The following TBC1D9 variants were observed in gnomAD, a reference collection of about 807,000 sequenced individuals.
TBC1D9 encodes TBC1 domain family member 9A.
Under a neutral mutation model 132.0 loss-of-function variants are expected in TBC1D9, and 63 were observed. The observed-to-expected ratio is 0.48, with a 90% CI of 0.39 to 0.59. TBC1D9 has a LOEUF of 0.59. Among genes scored for constraint, TBC1D9 ranks in the 20% least tolerant of loss-of-function variants. The pLI is 0.00. For missense variants in TBC1D9, 1,261 were observed against 1,592.7 expected (o/e 0.79, Z 3.54); for synonymous variants, 610 against 609.9 (o/e 1.00, Z 0.00).
chr4:140,638,276 C>T (rs1736910669), intron 15 of TBC1D9, among the ~76,000 whole-genome samples: 1 of 152,168 alleles, frequency 6.6e-6, no homozygotes, highest in Admixed American at 6.5e-5. Flanking sequence ...TTGATTATCA[C>T]ATTTTAACCT....
chr4:140,733,017 C>T (rs1305790413), intron 1 of TBC1D9, among the ~76,000 whole-genome samples: 1 of 152,126 alleles, frequency 6.6e-6, no homozygotes, highest in African/African-American at 2.4e-5. Context: ...GTCTCCTTGA[C>T]GTTAGAGCTG....
intron 1 of TBC1D9, among the ~76,000 whole-genome samples, chr4:140,717,539 T>C (rs1015420410): frequency 1.3e-5 from 2 of 152,206 alleles, no homozygotes; most frequent in Admixed American, 6.5e-5. Context: ...TTAATTTATC[T>C]GAAGCATATA....
chr4:140,622,754 C>T lies in TBC1D9; in HGVS notation c.3242G>A (p.Gly1081Glu). ...VAQPAKEGGS[G>E]GSGPSCHQGI... ...CTGGTGGCAGGACGGCCCACTGCCT[C>T]CGCTCCCGCCCTCCTTTGCAGGCTG... Residue 1081 changes from glycine (G) to glutamate (E), a missense_variant, in exon 21 of 21, where the codon GGA becomes GAA. Gly to Glu is a moderately conservative substitution (Grantham distance 98). This residue lies in a region of TBC1D9 where 618 missense variants were observed against 724.4 expected (regional missense o/e 0.85). Coordinates refer to ENST00000442267, the MANE Select transcript of TBC1D9 (RefSeq NM_015130.3). 4 of 1,605,944 alleles carry T rather than the reference C, an allele frequency of 2.5e-6. No homozygotes were observed. Among genetic ancestry groups the T allele is most frequent in the Non-Finnish European group, 3.4e-6 (4 of 1,179,706 alleles).
Position 140,651,050 on chromosome 4 carries a change from T to C in TBC1D9, c.2337+6047A>G, listed in dbSNP as rs534083879. On this transcript the variant is annotated intron_variant, in intron 13 of 20. Transcript: ENST00000442267. ...ATAGGGAAAATAATTCCTACCTCTT[T>C]GGAATGGTGTAAGACTTTTATGCAC... 6.6e-5 allele frequency among the ~76,000 whole-genome samples: 10 copies of C among 152,334 alleles called. No individual in the cohort carries two copies. In the East Asian group the frequency reaches 7.7e-4, roughly 12 times the overall value.
rs1737800223 is a variant in TBC1D9 at position 140,687,345 on chromosome 4, TATATATATA to T, written c.242-892_242-884del. Among the ~76,000 whole-genome samples the T allele has an allele frequency of 8.6e-4, 10 of 11,590 alleles. 1 individual carries two copies. Among genetic ancestry groups the T allele is most frequent in the African/African-American group, 6.2e-3 (10 of 1,624 alleles). 7.6% of individuals were successfully genotyped at this position (11,590 alleles called of 152,430 possible). On this transcript the variant is annotated intron_variant, in intron 2 of 20. Transcript: ENST00000442267. ...TATGTGTGTGTGTGTGTGTGTGTCA[TATATATATA>T]TATATATATATATATATATATATAT...
chr4:140,682,024 C>A (rs1038717615), intron 3 of TBC1D9, among the ~76,000 whole-genome samples: 1 of 152,118 alleles, frequency 6.6e-6, no homozygotes, highest in African/African-American at 2.4e-5. Context: ...TATCTAGCAC[C>A]TAAAAGATGT....
intron 13 of TBC1D9, among the ~76,000 whole-genome samples, chr4:140,648,804 G>A (rs1287321336): frequency 6.6e-6 from 1 of 151,972 alleles, no homozygotes; most frequent in East Asian, 1.9e-4. Context: ...CCCCCATCCT[G>A]CCTGCAGATG....
chr4:140,635,736 T>A (rs1268210175), intron 15 of TBC1D9, among the ~76,000 whole-genome samples: 1 of 151,666 alleles, frequency 6.6e-6, no homozygotes. Flanking sequence ...ACCAGTCAGG[T>A]TTTTTGCAAG....
chr4:140,683,643 T>C (rs887873927), intron 3 of TBC1D9, among the ~76,000 whole-genome samples: 1 of 152,202 alleles, frequency 6.6e-6, no homozygotes, highest in Admixed American at 6.5e-5. Flanking sequence ...TTAGCAAACA[T>C]GAAAAAATAT....
Position 140,624,110 on chromosome 4 carries a change from A to C in TBC1D9, c.3078+6T>G. On this transcript the variant is annotated splice_donor_region_variant and intron_variant, in intron 20 of 20. Transcript: ENST00000442267. ...GAAGCGAATGATTTGAACTTTAAGC[A>C]CTTACCTGATTTAATTTGGGTAAAT... The C allele has an allele frequency of 6.3e-7, 1 of 1,595,524 alleles. No individual in the cohort carries two copies. Among genetic ancestry groups the C allele is most frequent in the African/African-American group, 1.3e-5 (1 of 74,908 alleles).
intron 4 of TBC1D9, 133 bp downstream of exon 4, chr4:140,679,482 G>GTA: frequency 2.8e-6 from 2 of 706,404 alleles, no homozygotes; most frequent in Non-Finnish European, 4.6e-6. Flanking sequence ...ATTCACTTCA[G>GTA]TAGTAAAAAA....
chr4:140,692,747 C>T (rs1036179146), intron 2 of TBC1D9, among the ~76,000 whole-genome samples: 2 of 152,096 alleles, frequency 1.3e-5, no homozygotes, highest in Non-Finnish European at 2.9e-5. Flanking sequence ...AGACCGGGCA[C>T]GGTGGCTCAC....
intron 1 of TBC1D9, among the ~76,000 whole-genome samples, chr4:140,755,355 G>A (rs975145482): frequency 1.3e-5 from 2 of 152,174 alleles, no homozygotes; most frequent in African/African-American, 4.8e-5. Flanking sequence ...ACTAGAACCA[G>A]ACAATTTGCT....
At chr4:140,639,203 T>C in intron 14 of TBC1D9, 49 bp from the exon 15 acceptor site, 2 of 1,508,804 alleles carry the variant, frequency 1.3e-6, no homozygotes, top group Middle Eastern at 3.4e-4. Flanking sequence ...AAAAGTGCCA[T>C]GCTGGGAAAA....
chr4:140,720,072 T>G (rs1738399216), intron 1 of TBC1D9, among the ~76,000 whole-genome samples: 1 of 152,172 alleles, frequency 6.6e-6, no homozygotes, highest in African/African-American at 2.4e-5. Flanking sequence ...TGAACCAATT[T>G]TGCACAGCAC....
chr4:140,682,354 G>A (rs1365859111), intron 3 of TBC1D9, among the ~76,000 whole-genome samples: 1 of 152,076 alleles, frequency 6.6e-6, no homozygotes, highest in Non-Finnish European at 1.5e-5. Context: ...TGAAGGCCAG[G>A]AGGGAGCTCA....
At chr4:140,684,385 T>C (rs1263527331) in intron 3 of TBC1D9, among the ~76,000 whole-genome samples, 1 of 152,154 alleles carries the variant, frequency 6.6e-6, no homozygotes, top group Non-Finnish European at 1.5e-5. Context: ...AACAAATAAC[T>C]TTGTTGGTTC....
At chr4:140,666,951 C>T (rs1168210801) in intron 9 of TBC1D9, among the ~76,000 whole-genome samples, 1 of 152,084 alleles carries the variant, frequency 6.6e-6, no homozygotes, top group Non-Finnish European at 1.5e-5. Context: ...CTCACGCTGG[C>T]CCTGGAAAAG....
At chr4:140,673,955 C>T (rs1048831834) in intron 6 of TBC1D9, among the ~76,000 whole-genome samples, 1 of 152,214 alleles carries the variant, frequency 6.6e-6, no homozygotes, top group Non-Finnish European at 1.5e-5. Context: ...TTGATAGCGG[C>T]TTCCAGACCC....
Sources: gnomAD v4.1 joint callset for allele counts (sites outside exome capture counted in the v4.1 genomes callset) on GRCh38, gnomAD v4.1.1 for gene constraint, gnomAD v4.1.1 regional missense constraint, MANE v1.5 for transcripts, NCBI Gene and HGNC (gene_info 2026-07-23, HGNC 2026-07-21) for gene names.